Variants in FRMPD4 observed in about 807,000 individuals in gnomAD.
The protein encoded by FRMPD4 is FERM and PDZ domain-containing protein 4.
FRMPD4 carries 22 observed loss-of-function variants against 94.1 expected under a neutral mutation model. The observed-to-expected ratio is 0.23, with a 90% confidence interval of 0.17 to 0.33. The LOEUF is 0.33. Ranked by LOEUF, FRMPD4 falls within the 10% of genes least tolerant of loss-of-function variation. The pLI is 1.00. For missense variants in FRMPD4, 1,111 were observed against 1,339.9 expected (o/e 0.83, Z 2.67); for synonymous variants, 631 against 548.6 (o/e 1.15, Z -2.10).
chrX:12,049,395 T>C (rs1259429611), intron 3 of FRMPD4, among the ~76,000 whole-genome samples: 1 of 111,554 alleles, frequency 9.0e-6, no homozygotes, highest in African/African-American at 3.3e-5. Flanking sequence ...GGCAGAGTCT[T>C]AAGGGTTTCC....
intron 1 of FRMPD4, among the ~76,000 whole-genome samples, chrX:12,410,721 C>T (rs1242847950): frequency 9.0e-6 from 1 of 111,410 alleles, no homozygotes; most frequent in African/African-American, 3.3e-5. Flanking sequence ...ATTTTGCTGA[C>T]GCGGTTACTT....
intron 1 of FRMPD4, among the ~76,000 whole-genome samples, chrX:12,471,942 TA>T (rs2057518933): frequency 8.9e-6 from 1 of 111,855 alleles, no homozygotes; most frequent in Non-Finnish European, 1.9e-5. Flanking sequence ...CCCGGGGAGT[TA>T]AAAATTGAGA....
At chrX:12,678,330 A>G (rs2059922754) in intron 5 of FRMPD4, among the ~76,000 whole-genome samples, 1 of 112,210 alleles carries the variant, frequency 8.9e-6, no homozygotes, top group Admixed American at 9.4e-5. Context: ...CCAGGATGGA[A>G]TTTTAGAAGG....
intron 9 of FRMPD4, among the ~76,000 whole-genome samples, chrX:12,699,249 A>G (rs2047088719): frequency 8.9e-6 from 1 of 111,775 alleles, no homozygotes; most frequent in Admixed American, 9.4e-5. Flanking sequence ...GACTAGCAAA[A>G]CAAAATGGCA....
At chrX:11,998,287 C>T (rs2054506989) in intron 3 of FRMPD4, among the ~76,000 whole-genome samples, 1 of 111,814 alleles carries the variant, frequency 8.9e-6, no homozygotes, top group Non-Finnish European at 1.9e-5. Flanking sequence ...GGACATGTGG[C>T]TCATTGATCT....
At chrX:12,399,229 A>C (rs1204331326) in intron 1 of FRMPD4, among the ~76,000 whole-genome samples, 1 of 111,871 alleles carries the variant, frequency 8.9e-6, no homozygotes. Context: ...GTTCATGTCC[A>C]CCTTGTTCCC....
At chrX:12,133,260 T>C (rs1445916655) in intron 3 of FRMPD4, among the ~76,000 whole-genome samples, 1 of 107,522 alleles carries the variant, frequency 9.3e-6, no homozygotes, top group Non-Finnish European at 1.9e-5. Flanking sequence ...TTTTTAGAGA[T>C]GGGGTCTCAC....
At chrX:11,867,164 C>T (rs1438804406) in intron 2 of FRMPD4, among the ~76,000 whole-genome samples, 2 of 111,549 alleles carry the variant, frequency 1.8e-5, no homozygotes, top group East Asian at 5.6e-4. Context: ...TATCTGAATA[C>T]TGAATCATGA....
chrX:12,043,458 G>T (rs762906855), intron 3 of FRMPD4, among the ~76,000 whole-genome samples: 1 of 111,335 alleles, frequency 9.0e-6, no homozygotes, highest in Non-Finnish European at 1.9e-5. Context: ...TATGAGGTTT[G>T]CTCTAAAGGG....
chrX:11,963,813 T>C (rs893411629), intron 3 of FRMPD4, among the ~76,000 whole-genome samples: 3 of 111,460 alleles, frequency 2.7e-5, no homozygotes, highest in East Asian at 5.6e-4. Flanking sequence ...CAGGAGTAAG[T>C]TGACAGATTA....
intron 1 of FRMPD4, among the ~76,000 whole-genome samples, chrX:12,474,015 C>G (rs1270723929): frequency 2.7e-5 from 3 of 110,040 alleles, no homozygotes; most frequent in Non-Finnish European, 5.6e-5. Context: ...AATATACATT[C>G]TTTTCAGCAC....
chrX:11,850,655 T>C (rs542954109), intron 1 of FRMPD4, among the ~76,000 whole-genome samples: 5 of 112,207 alleles, frequency 4.5e-5, no homozygotes, highest in African/African-American at 1.3e-4. Flanking sequence ...TGATACAACA[T>C]GGATAAACTT....
At chrX:12,466,444 C>T (rs759185280) in intron 1 of FRMPD4, among the ~76,000 whole-genome samples, 1 of 112,269 alleles carries the variant, frequency 8.9e-6, no homozygotes, top group African/African-American at 3.2e-5. Flanking sequence ...GACTCTTTTG[C>T]CTCCCTGAAT....
intron 3 of FRMPD4, among the ~76,000 whole-genome samples, chrX:12,127,120 T>C (rs769036947): frequency 8.9e-6 from 1 of 112,384 alleles, no homozygotes; most frequent in South Asian, 3.7e-4. Context: ...TACTTGTTCA[T>C]TCCTGTTTTT....
At chrX:12,087,167 G>A (rs1010474010) in intron 3 of FRMPD4, among the ~76,000 whole-genome samples, 1 of 111,630 alleles carries the variant, frequency 9.0e-6, no homozygotes, top group African/African-American at 3.3e-5. Context: ...ATACTCAAGG[G>A]GAGGGGATTA....
intron 1 of FRMPD4, among the ~76,000 whole-genome samples, chrX:12,269,894 A>G (rs1424003759): frequency 5.3e-5 from 6 of 112,632 alleles, no homozygotes; most frequent in Non-Finnish European, 1.1e-4. Flanking sequence ...TTCAGGAAGA[A>G]ATAGGTATTT....
chrX:12,285,012 C>T (rs908105817), intron 1 of FRMPD4, among the ~76,000 whole-genome samples: 6 of 111,781 alleles, frequency 5.4e-5, no homozygotes, highest in Admixed American at 9.5e-5. Context: ...ACAGTAAGGG[C>T]ACCCACTATT....
chrX:12,543,098 T>A (rs1420946440), intron 2 of FRMPD4, among the ~76,000 whole-genome samples: 1 of 111,552 alleles, frequency 9.0e-6, no homozygotes, highest in Admixed American at 9.6e-5. Context: ...TCAAGATGGA[T>A]TAAAGACTTA....
intron 2 of FRMPD4, among the ~76,000 whole-genome samples, chrX:12,512,165 A>G (rs145988890): frequency 3.6e-5 from 4 of 112,617 alleles, no homozygotes; most frequent in African/African-American, 1.3e-4. Flanking sequence ...AGGTGTGTAC[A>G]TTGTTTTTTA....
Sources: gnomAD v4.1 joint callset for allele counts (sites outside exome capture counted in the v4.1 genomes callset) on GRCh38, gnomAD v4.1.1 for gene constraint, MANE v1.5 for transcripts, NCBI Gene and HGNC (gene_info 2026-07-23, HGNC 2026-07-21) for gene names.